ENOX1: variants seen among roughly 807,000 people sequenced by gnomAD.
ENOX1 encodes candidate growth-related and time keeping constitutive hydroquinone (NADH) oxidase.
Under a neutral mutation model 82.5 loss-of-function variants are expected in ENOX1, and 42 were observed. The observed-to-expected ratio is 0.51, with a 90% confidence interval of 0.40 to 0.66. The LOEUF (loss-of-function observed/expected upper bound fraction) is 0.66, where lower values mean the gene tolerates loss of function less well. Ranked by LOEUF, ENOX1 falls within the 30% of genes least tolerant of loss-of-function variation. The pLI, the probability that ENOX1 is intolerant of heterozygous loss-of-function variation, is 0.00. For synonymous variants in ENOX1, 271 were observed against 282.2 expected, an observed-to-expected ratio of 0.96 and a Z score of 0.40; for missense variants, 608 against 811.6, an observed-to-expected ratio of 0.75 and a Z score of 3.05.
chr13:43,504,783 G>T (rs1167590528), intron 2 of ENOX1, among the ~76,000 whole-genome samples: 2 of 151,378 alleles, frequency 1.3e-5, no homozygotes, highest in African/African-American at 4.8e-5. Context: ...CTTAAAATTT[G>T]CAGTGACATT....
At chr13:43,780,624 A>T (rs1952203489) in intron 1 of ENOX1, among the ~76,000 whole-genome samples, 1 of 152,212 alleles carries the variant, frequency 6.6e-6, no homozygotes, top group African/African-American at 2.4e-5. Flanking sequence ...CTTCAGGGAC[A>T]CTACCTCCTC....
chr13:43,716,575 G>C (rs926526670), intron 1 of ENOX1, among the ~76,000 whole-genome samples: 3 of 152,132 alleles, frequency 2.0e-5, no homozygotes, highest in Admixed American at 6.6e-5. Flanking sequence ...TATCCAAATA[G>C]GAAAAGAAGT....
intron 9 of ENOX1, among the ~76,000 whole-genome samples, 172 bp from the exon 10 acceptor site, chr13:43,326,697 C>T (rs575436438): frequency 6.6e-6 from 1 of 152,318 alleles, no homozygotes; most frequent in Non-Finnish European, 1.5e-5. Flanking sequence ...TTGGGGATGT[C>T]TCCCTTCAAG....
intron 2 of ENOX1, among the ~76,000 whole-genome samples, chr13:43,509,876 C>A (rs1179159949): frequency 6.6e-6 from 1 of 152,002 alleles, no homozygotes; most frequent in African/African-American, 2.4e-5. Context: ...CCCCAACACC[C>A]ACCCTTTCCT....
rs146940684 is a variant in ENOX1, at chr13:43,724,918, A to G, written c.-284-57374T>C. Among the ~76,000 whole-genome samples, 393 of 152,326 alleles carry G rather than the reference A, an allele frequency of 2.6e-3. 3 individuals are homozygous for G. The highest frequency in any genetic ancestry group is 0.022 in the Admixed American group (334 of 15,306). On this transcript the variant is annotated intron_variant, in intron 1 of 16. Coordinates refer to ENST00000690772, the MANE Select transcript of ENOX1 (RefSeq NM_001347969.2). ...TGCTTCTTCTTGCTATGAATGCAGTATATATGAGATAAGTACAAAAGAAAG... is the reference window on the plus strand; with the variant it reads ...TGCTTCTTCTTGCTATGAATGCAGTGTATATGAGATAAGTACAAAAGAAAG...
intron 2 of ENOX1, among the ~76,000 whole-genome samples, chr13:43,497,908 T>A (rs1163603687): frequency 6.6e-6 from 1 of 152,120 alleles, no homozygotes; most frequent in African/African-American, 2.4e-5. Context: ...AGTTAACAAA[T>A]ACAGAGCTAT....
At chr13:43,600,321 C>T (rs537523926) in intron 2 of ENOX1, among the ~76,000 whole-genome samples, 1 of 152,250 alleles carries the variant, frequency 6.6e-6, no homozygotes, top group Admixed American at 6.5e-5. Flanking sequence ...AGGGAGAGTT[C>T]TAGGCTGGCT....
chr13:43,433,675 C>G (rs1420036140), intron 3 of ENOX1, among the ~76,000 whole-genome samples: 1 of 152,168 alleles, frequency 6.6e-6, no homozygotes, highest in Non-Finnish European at 1.5e-5. Context: ...ACGTGATGCA[C>G]TCTGAGTTTT....
At chr13:43,266,011 A>G (rs1381271127) in intron 13 of ENOX1, among the ~76,000 whole-genome samples, 1 of 152,232 alleles carries the variant, frequency 6.6e-6, no homozygotes, top group East Asian at 1.9e-4. Flanking sequence ...CCGCTGAGGC[A>G]TTAGAAGAAA....
At chr13:43,242,391 G>A (rs1428619928) in intron 14 of ENOX1, among the ~76,000 whole-genome samples, 1 of 152,228 alleles carries the variant, frequency 6.6e-6, no homozygotes, top group African/African-American at 2.4e-5. Flanking sequence ...CCTTGCCAAA[G>A]TGTGCTCCCC....
Position 43,361,392 on chromosome 13 carries a change from A to T in ENOX1, c.269T>A (p.Ile90Asn). The change falls in exon 6 of 17, where the codon ATT (isoleucine) becomes AAT (asparagine). Residue 90 changes from isoleucine to asparagine, a missense_variant. Ile to Asn is a moderately radical substitution (Grantham distance 149, BLOSUM62 -3). Transcript: ENST00000690772. ...TCCAAGGCCTGGTATCATTGGGTTA[A>T]TGGGGGTGATTCCAGTCATCATGTT... ...SLNMMTGITP[I>N]NPMIPGLGLV... The T allele has an allele frequency of 6.2e-7, 1 of 1,613,304 alleles. No homozygotes were observed.
intron 1 of ENOX1, among the ~76,000 whole-genome samples, chr13:43,707,072 T>C (rs1368667807): frequency 6.6e-6 from 1 of 152,160 alleles, no homozygotes; most frequent in African/African-American, 2.4e-5. Flanking sequence ...TAAGGCCCAA[T>C]GACAGAAAGT....
chr13:43,471,466 C>A (rs2058063515), intron 3 of ENOX1, among the ~76,000 whole-genome samples: 1 of 152,078 alleles, frequency 6.6e-6, no homozygotes, highest in Admixed American at 6.6e-5. Flanking sequence ...GGTAATAATG[C>A]ACACGTTCAA....
At chr13:43,683,366 TG>T (rs2085894167) in intron 1 of ENOX1, among the ~76,000 whole-genome samples, 2 of 152,270 alleles carry the variant, frequency 1.3e-5, no homozygotes, top group Admixed American at 1.3e-4. Context: ...GAAGCAGGTC[TG>T]GGGTCCAGCT....
At chr13:43,540,462 C>T (rs2078657656) in intron 2 of ENOX1, among the ~76,000 whole-genome samples, 2 of 152,076 alleles carry the variant, frequency 1.3e-5, no homozygotes, top group African/African-American at 4.8e-5. Context: ...AAACTAAAAA[C>T]AAGTATTGGC....
chr13:43,532,500 G>A (rs539466326), intron 2 of ENOX1, among the ~76,000 whole-genome samples: 1 of 152,126 alleles, frequency 6.6e-6, no homozygotes, highest in Non-Finnish European at 1.5e-5. Flanking sequence ...GCACCGATGG[G>A]GCAAAAGCAA....
intron 3 of ENOX1, among the ~76,000 whole-genome samples, chr13:43,428,987 C>T (rs1006509526): frequency 1.1e-4 from 16 of 152,256 alleles, no homozygotes; most frequent in Admixed American, 7.2e-4. Flanking sequence ...CCCATTGTGG[C>T]GGCTATTTTT....
Position 43,517,455 on chromosome 13 carries a change from G to A in ENOX1, c.-218-33303C>T, listed in dbSNP as rs369665134. Among the ~76,000 whole-genome samples, 52 of 152,220 alleles carry A rather than the reference G, an allele frequency of 3.4e-4. 2 individuals are homozygous for A. The South Asian group carries it at 0.01, about 30-fold the overall frequency. On this transcript the variant is annotated intron_variant, in intron 2 of 16. Coordinates refer to ENST00000690772, the MANE Select transcript of ENOX1 (RefSeq NM_001347969.2). ...GGAGGTTGCAATGAGCCCAGATCGC[G>A]CCATTGCACTCCAGCCTGGGCAACA...
At chr13:43,583,341 T>A (rs2080836043) in intron 2 of ENOX1, among the ~76,000 whole-genome samples, 2 of 152,194 alleles carry the variant, frequency 1.3e-5, no homozygotes, top group Admixed American at 6.5e-5. Context: ...GTAAAATAAA[T>A]TTTTTAAAAA....
Sources: allele counts gnomAD v4.1 joint callset (sites outside exome capture counted in the v4.1 genomes callset), GRCh38; gene constraint gnomAD v4.1.1; transcripts MANE v1.5; gene names NCBI Gene and HGNC (gene_info 2026-07-23, HGNC 2026-07-21).